Variants in OTOGL observed in about 807,000 individuals in gnomAD.
OTOGL encodes otogelin-like protein.
Under a neutral mutation model 318.5 loss-of-function variants are expected in OTOGL, and 285 were observed. That is an observed-to-expected ratio of 0.89 (90% CI 0.81 to 0.99). The LOEUF (loss-of-function observed/expected upper bound fraction) is 0.99. OTOGL is among the 50% of genes least tolerant of loss of function. OTOGL has a pLI of 0.00. For synonymous variants in OTOGL, 987 were observed against 936.5 expected, an observed-to-expected ratio of 1.05 and a Z score of -0.99; for missense variants, 2,899 against 2,845.6, an observed-to-expected ratio of 1.02 and a Z score of -0.43.
intron 1 of OTOGL, among the ~76,000 whole-genome samples, chr12:80,106,877 T>TA (rs1869487135): frequency 6.6e-6 from 1 of 151,952 alleles, no homozygotes; most frequent in African/African-American, 2.4e-5. Flanking sequence ...CTTTTTTTTT[T>TA]AAATTAGTAC....
chr12:80,156,556 C>T (rs992515054), intron 1 of OTOGL, among the ~76,000 whole-genome samples: 3 of 152,106 alleles, frequency 2.0e-5, no homozygotes, highest in South Asian at 2.1e-4. Context: ...GGAAGGGACC[C>T]GGTGGGAGAT....
intron 1 of OTOGL, among the ~76,000 whole-genome samples, chr12:80,157,062 G>A (rs1034216953): frequency 6.6e-6 from 1 of 152,122 alleles, no homozygotes; most frequent in African/African-American, 2.4e-5. Flanking sequence ...CACCAACAGT[G>A]TGCAAGGGTT....
At chr12:80,327,385 T>C (rs1732715017) in intron 35 of OTOGL, among the ~76,000 whole-genome samples, 1 of 152,106 alleles carries the variant, frequency 6.6e-6, no homozygotes, top group Non-Finnish European at 1.5e-5. Context: ...TTTCAGGCTG[T>C]CATACAACCA....
Position 80,358,942 on chromosome 12 carries a change from A to G in OTOGL, c.6267+42A>G, listed in dbSNP as rs551406444. ...TGATTGACTTGTCATATTTATTTAA[A>G]TCTGTTTATTCTTCCTTTATCTCTC... On this transcript the variant is annotated intron_variant, in intron 52 of 58. Coordinates refer to ENST00000547103, the MANE Select transcript of OTOGL (RefSeq NM_001378609.3). 60 of 1,382,110 alleles carry G rather than the reference A, an allele frequency of 4.3e-5. No individual in the cohort carries two copies. In the East Asian group the frequency reaches 1.5e-3, roughly 34 times the overall value. The allele number at this position is 1,382,110 out of a possible 1,614,324, so 85.6% of individuals were successfully genotyped here. A position where few individuals can be genotyped will look rare whatever the true frequency, so the allele number is the denominator to read the frequency against.
intron 24 of OTOGL, among the ~76,000 whole-genome samples, chr12:80,276,496 A>G (rs915922348): frequency 6.6e-5 from 10 of 151,800 alleles, no homozygotes; most frequent in Non-Finnish European, 5.9e-5. Context: ...ATTGTGATAA[A>G]TCCTCCAATA....
Position 80,310,738 on chromosome 12 carries a change from A to G in OTOGL, c.3450+11A>G. On this transcript the variant is annotated intron_variant, in intron 30 of 58. Coordinates refer to ENST00000547103, the MANE Select transcript of OTOGL (RefSeq NM_001378609.3). ...TCTTGTCGCAATGTGGTAAATGAAT[A>G]CTTTAATGAACTCTCGAGTTTCAAT... 6.6e-7 allele frequency: 1 copy of G among 1,518,966 alleles called. No homozygotes were observed. Among genetic ancestry groups the G allele is most frequent in the South Asian group, 1.1e-5 (1 of 89,176 alleles). The allele number at this position is 1,518,966 out of a possible 1,614,324, so 94.1% of individuals were successfully genotyped here. A position where few individuals can be genotyped will look rare whatever the true frequency, so the allele number is the denominator to read the frequency against.
chr12:80,367,817 A>T, intron 54 of OTOGL, 78 bp downstream of exon 54: 7 of 955,622 alleles, frequency 7.3e-6, no homozygotes, highest in African/African-American at 1.7e-5. Flanking sequence ...TGAAATGGTG[A>T]ATACTCCATT....
intron 7 of OTOGL, among the ~76,000 whole-genome samples, chr12:80,227,480 A>G (rs1257065991): frequency 1.3e-5 from 2 of 152,128 alleles, no homozygotes; most frequent in African/African-American, 4.8e-5. Context: ...ATTCATGAAT[A>G]TTTGTTCACA....
intron 1 of OTOGL, among the ~76,000 whole-genome samples, chr12:80,195,527 A>G (rs1875996697): frequency 6.6e-6 from 1 of 152,242 alleles, no homozygotes; most frequent in Non-Finnish European, 1.5e-5. Flanking sequence ...GCTGGTTAGT[A>G]GAATGAAGCT....
At chr12:80,194,346 G>C (rs1172923190) in intron 1 of OTOGL, among the ~76,000 whole-genome samples, 2 of 151,944 alleles carry the variant, frequency 1.3e-5, no homozygotes. Context: ...TTAATGCTTG[G>C]GCAGAGTTAG....
chr12:80,358,686 T>C lies in OTOGL; in HGVS notation c.6137T>C (p.Leu2046Pro). 1 of 1,612,112 alleles carries C rather than the reference T, an allele frequency of 6.2e-7. No homozygotes were observed. The highest frequency in any genetic ancestry group is 8.5e-7 in the Non-Finnish European group (1 of 1,178,578). ...PQYYCVCEPN[L>P]CPMPLLNCAE... ...TTCTTTTTAGTATGTGAACCAAACC[T>C]TTGTCCTATGCCATTACTCAACTGT... is the stretch of plus-strand genomic sequence containing the variant. The change falls in exon 51 of 59, where the codon CTT (leucine) becomes CCT (proline). Residue 2046 changes from leucine (L) to proline (P), a missense_variant. Leu to Pro is a moderately conservative substitution (Grantham distance 98). This residue lies in a region of OTOGL where 2,607 missense variants were observed against 2,524.9 expected (regional missense o/e 1.03). Coordinates refer to ENST00000547103, the MANE Select transcript of OTOGL (RefSeq NM_001378609.3).
intron 3 of OTOGL, 46 bp downstream of exon 3, chr12:80,210,932 G>A: frequency 7.6e-7 from 1 of 1,323,096 alleles, no homozygotes. Context: ...TAAAGTTAAT[G>A]GGAATGAGCA....
At chr12:80,375,249 G>A (rs888354039) in intron 57 of OTOGL, among the ~76,000 whole-genome samples, 18 of 152,154 alleles carry the variant, frequency 1.2e-4, no homozygotes, top group African/African-American at 4.1e-4. Context: ...TTTGAGGAAT[G>A]AATTAGAAAT....
chr12:80,158,637 C>T (rs1477336670), intron 1 of OTOGL, among the ~76,000 whole-genome samples: 4 of 151,930 alleles, frequency 2.6e-5, no homozygotes, highest in African/African-American at 7.2e-5. Flanking sequence ...TCAGCTTGGT[C>T]ACTGTTAATG....
intron 1 of OTOGL, chr12:80,102,856 C>A: frequency 1.4e-6 from 1 of 720,620 alleles, no homozygotes; most frequent in Non-Finnish European, 2.4e-6. Flanking sequence ...TCTTTTTTTT[C>A]TCCTTTGTTT....
intron 46 of OTOGL, 48 bp from the exon 47 acceptor site, chr12:80,355,688 T>G (rs757020871): frequency 3.0e-5 from 45 of 1,489,046 alleles, no homozygotes; most frequent in Non-Finnish European, 4.0e-5. Flanking sequence ...GCATGATTTA[T>G]TTTAGTGCCC....
intron 15 of OTOGL, among the ~76,000 whole-genome samples, 195 bp downstream of exon 15, chr12:80,254,765 A>T (rs958041852): frequency 1.3e-5 from 2 of 152,026 alleles, no homozygotes; most frequent in African/African-American, 4.8e-5. Flanking sequence ...AAACTTTATT[A>T]AAATAGTGTA....
At position 80,377,777 on chromosome 12, in the gene OTOGL, T is replaced by A. The variant is rs1032123930; in HGVS notation, c.6862-71T>A. On this transcript the variant is annotated intron_variant, in intron 58 of 58. Coordinates refer to ENST00000547103, the MANE Select transcript of OTOGL (RefSeq NM_001378609.3). ...GAAGAAAGATTTTCATCAGATTTTC[T>A]TAGTGGAATCAAATAATAACCAGTA... The A allele has an allele frequency of 5.9e-6, 7 of 1,186,320 alleles. No homozygotes were observed. In the South Asian group the frequency reaches 7.4e-5, roughly 12 times the overall value. The allele number at this position is 1,186,320 out of a possible 1,614,324, so 73.5% of individuals were successfully genotyped here.
At chr12:80,228,166 C>T (rs1236568160) in intron 7 of OTOGL, among the ~76,000 whole-genome samples, 5 of 152,082 alleles carry the variant, frequency 3.3e-5, no homozygotes, top group African/African-American at 7.2e-5. Flanking sequence ...TGAGGCTGGG[C>T]GTAGTGACTC....
Sources: gnomAD v4.1 joint callset for allele counts (sites outside exome capture counted in the v4.1 genomes callset) on GRCh38, gnomAD v4.1.1 for gene constraint, gnomAD v4.1.1 regional missense constraint, MANE v1.5 for transcripts, NCBI Gene and HGNC (gene_info 2026-07-23, HGNC 2026-07-21) for gene names.